The following ZNF831 variants were observed in gnomAD, a reference collection of about 807,000 sequenced individuals.
ZNF831 encodes the protein chromosome 20 open reading frame 174.
In ZNF831, 59 loss-of-function variants were observed where a neutral mutation model predicts 95.8. That is an observed-to-expected ratio of 0.62 (90% CI 0.50 to 0.77). ZNF831 has a LOEUF of 0.77. Among genes scored for constraint, ZNF831 ranks in the 30% least tolerant of loss-of-function variants. The pLI, the probability that ZNF831 is intolerant of heterozygous loss-of-function variation, is 0.00. For synonymous variants in ZNF831, 961 were observed against 925.5 expected (o/e 1.04, Z -0.70); for missense variants, 2,205 against 2,164.0 (o/e 1.02, Z -0.38).
chr20:59,227,799 A>AT (rs1568782684), intron 4 of ZNF831, among the ~76,000 whole-genome samples: 1 of 151,226 alleles, frequency 6.6e-6, no homozygotes, highest in African/African-American at 2.4e-5. Flanking sequence ...TTATGGGCCC[A>AT]TTTTTTTTCT....
At chr20:59,137,945 A>G (rs576326031) in intron 1 of ZNF831, among the ~76,000 whole-genome samples, 1 of 152,130 alleles carries the variant, frequency 6.6e-6, no homozygotes, top group African/African-American at 2.4e-5. Flanking sequence ...TTTGGACTTC[A>G]TGCATTGGTT....
rs1290310739 is a variant in ZNF831 at position 59,206,076 on chromosome 20, A to G, written c.3876-829A>G. Among the ~76,000 whole-genome samples, 4 of 152,346 alleles carry G rather than the reference A, an allele frequency of 2.6e-5. No individual in the cohort carries two copies. In the South Asian group the frequency reaches 6.2e-4, roughly 24 times the overall value. On this transcript the variant is annotated intron_variant, in intron 3 of 5. Transcript: ENST00000371030. ...GTGTTTTTCTTTCTCTACTGTCATC[A>G]TGCCTTCCCTCTGAGATGTAAATAC... is the stretch of plus-strand genomic sequence containing the variant.
intron 4 of ZNF831, among the ~76,000 whole-genome samples, chr20:59,216,814 A>G (rs1243082899): frequency 5.9e-5 from 9 of 152,146 alleles, no homozygotes. Context: ...GAACAACAGG[A>G]TTATGCAGAT....
chr20:59,222,435 G>C (rs889428814), intron 4 of ZNF831, among the ~76,000 whole-genome samples: 1 of 152,106 alleles, frequency 6.6e-6, no homozygotes, highest in Non-Finnish European at 1.5e-5. Flanking sequence ...CGCCCCCGCC[G>C]GCGCCAAGCC....
In ZNF831 at chr20:59,191,573, GC is replaced by G; in HGVS notation, c.555del (p.Ser185ArgfsTer77). 6.2e-7 allele frequency: 1 copy of G among 1,612,220 alleles called. No individual in the cohort carries two copies. Among genetic ancestry groups the G allele is most frequent in the South Asian group, 1.1e-5 (1 of 90,950 alleles). Reference protein sequence around the residue: ...ATCGIAFKTQSNLYKHRRTQT... With the variant: ...ATCGIAFKTQXNLYKHRRTQT... ...TGCGGCATCGCCTTTAAGACCCAGA[GC>G]AATCTCTACAAGCACAGGCGGACGC... On this transcript the variant is annotated frameshift_variant, in exon 2 of 6. Coordinates refer to ENST00000371030, the MANE Select transcript of ZNF831 (RefSeq NM_178457.3). LOFTEE classifies it high-confidence loss of function.
chr20:59,252,966 C>T lies in ZNF831; in HGVS notation c.4028-12C>T, dbSNP rs766613176. The T allele has an allele frequency of 3.1e-6, 5 of 1,611,622 alleles. No individual in the cohort carries two copies. The highest frequency in any genetic ancestry group is 1.7e-4 in the Middle Eastern group (1 of 6,050). On this transcript the variant is annotated splice_polypyrimidine_tract_variant and intron_variant, in intron 4 of 5. Coordinates refer to ENST00000371030, the MANE Select transcript of ZNF831 (RefSeq NM_178457.3). ...ATTCCAGTCATATGTAAATGTGCCT[C>T]TCCCCTTGCAGGTCTGAATCTGCAA... is the stretch of plus-strand genomic sequence containing the variant.
intron 1 of ZNF831, among the ~76,000 whole-genome samples, chr20:59,138,265 G>A (rs542527200): frequency 7.3e-4 from 111 of 152,284 alleles, no homozygotes; most frequent in African/African-American, 2.4e-3. Flanking sequence ...AGGCGTTTGA[G>A]GTCATAATCA....
chr20:59,147,138 G>A (rs1979911451), intron 2 of ZNF831: 1 of 152,258 alleles, frequency 6.6e-6, no homozygotes, highest in Non-Finnish European at 1.5e-5. Flanking sequence ...GGAGAAAAGG[G>A]GGAAAAGAGG....
intron 4 of ZNF831, among the ~76,000 whole-genome samples, chr20:59,216,919 C>A (rs1435911246): frequency 6.6e-6 from 1 of 151,100 alleles, no homozygotes; most frequent in African/African-American, 2.4e-5. Flanking sequence ...ATTAGAAGAC[C>A]ACTGACAGGT....
chr20:59,207,698 C>T lies in ZNF831; in HGVS notation c.4027+642C>T, dbSNP rs143989054. On this transcript the variant is annotated intron_variant, in intron 4 of 5. Transcript: ENST00000371030. ...AATTTCCTCTTCCTTTCTCCCCTCT[C>T]CCCAGCATTAAGGAGCTCAGCCTTA... Among the ~76,000 whole-genome samples the T allele has an allele frequency of 3.7e-3, 568 of 152,326 alleles. 7 individuals are homozygous for T. The highest frequency in any genetic ancestry group is 0.013 in the African/African-American group (541 of 41,576).
At chr20:59,167,890 A>G (rs1482084677) in intron 1 of ZNF831, among the ~76,000 whole-genome samples, 1 of 152,048 alleles carries the variant, frequency 6.6e-6, no homozygotes, top group Admixed American at 6.5e-5. Context: ...AAAAAAAATC[A>G]GTTGGGTATA....
chr20:59,187,975 C>T (rs2146534282), intron 1 of ZNF831, among the ~76,000 whole-genome samples: 1 of 152,332 alleles, frequency 6.6e-6, no homozygotes, highest in African/African-American at 2.4e-5. Context: ...CATGTGCAAG[C>T]ACTTTGTTGC....
intron 4 of ZNF831, among the ~76,000 whole-genome samples, chr20:59,230,316 A>G (rs1254825803): frequency 6.6e-6 from 1 of 152,140 alleles, no homozygotes; most frequent in African/African-American, 2.4e-5. Flanking sequence ...TACTAAAAAT[A>G]CAAAAATTAG....
At chr20:59,222,500 T>G (rs936233164) in intron 4 of ZNF831, among the ~76,000 whole-genome samples, 3 of 151,960 alleles carry the variant, frequency 2.0e-5, no homozygotes, top group Admixed American at 2.0e-4. Context: ...CTCTTTTTTT[T>G]TTTTTGTGTG....
intron 4 of ZNF831, among the ~76,000 whole-genome samples, chr20:59,222,121 G>A (rs1986117049): frequency 6.6e-6 from 1 of 152,196 alleles, no homozygotes; most frequent in African/African-American, 2.4e-5. Flanking sequence ...ATCTGATAAA[G>A]TTCTTTTTAA....
chr20:59,202,343 A>ATTTTT (rs1601391494), intron 3 of ZNF831, among the ~76,000 whole-genome samples: 1 of 132,440 alleles, frequency 7.6e-6, no homozygotes, highest in East Asian at 3.1e-4. Flanking sequence ...TTTTTTTAAA[A>ATTTTT]AAAAAAACAC....
At chr20:59,222,959 C>T (rs1307684904) in intron 4 of ZNF831, among the ~76,000 whole-genome samples, 1 of 152,194 alleles carries the variant, frequency 6.6e-6, no homozygotes, top group African/African-American at 2.4e-5. Flanking sequence ...CTGGGACCCC[C>T]CGCTGAGCAA....
At chr20:59,237,631 T>C (rs1987075479) in intron 4 of ZNF831, among the ~76,000 whole-genome samples, 1 of 152,220 alleles carries the variant, frequency 6.6e-6, no homozygotes, top group Admixed American at 6.5e-5. Flanking sequence ...ACTGTGAGCT[T>C]TGTCTGCTGA....
intron 4 of ZNF831, among the ~76,000 whole-genome samples, chr20:59,221,245 G>C (rs1015820082): frequency 1.3e-5 from 2 of 152,202 alleles, no homozygotes; most frequent in African/African-American, 4.8e-5. Context: ...TCCCCAGCAG[G>C]GAGCTCGTAG....
Sources: gnomAD v4.1 joint callset for allele counts (sites outside exome capture counted in the v4.1 genomes callset) on GRCh38, gnomAD v4.1.1 for gene constraint, MANE v1.5 for transcripts, NCBI Gene and HGNC (gene_info 2026-07-23, HGNC 2026-07-21) for gene names.